The following DOCK7 variants were observed in gnomAD, a reference collection of about 807,000 sequenced individuals.
DOCK7 encodes dedicator of cytokinesis protein 7.
In DOCK7, 138 loss-of-function variants were observed where a neutral mutation model predicts 271.0. That is an observed-to-expected ratio of 0.51 (90% CI 0.44 to 0.59). The LOEUF (loss-of-function observed/expected upper bound fraction) is 0.59, where lower values mean the gene tolerates loss of function less well. Ranked by LOEUF, DOCK7 falls within the 20% of genes least tolerant of loss-of-function variation. The pLI is 0.00. For missense variants in DOCK7, 2,066 were observed against 2,592.4 expected, an observed-to-expected ratio of 0.80 and a Z score of 4.41; for synonymous variants, 823 against 876.1, an observed-to-expected ratio of 0.94 and a Z score of 1.07.
chr1:62,561,563 A>G, intron 19 of DOCK7, 54 bp downstream of exon 19: 1 of 1,142,076 alleles, frequency 8.8e-7, no homozygotes, highest in East Asian at 2.7e-5. Context: ...AGTATTAGAT[A>G]TTACGTTCAA....
At chr1:62,667,656 G>A (rs1050535737) in intron 1 of DOCK7, among the ~76,000 whole-genome samples, 1 of 152,124 alleles carries the variant, frequency 6.6e-6, no homozygotes, top group Non-Finnish European at 1.5e-5. Flanking sequence ...TGGAGAGGTT[G>A]CAGTGAGCCT....
chr1:62,641,513 TA>T, intron 7 of DOCK7: 2 of 453,776 alleles, frequency 4.4e-6, no homozygotes, highest in South Asian at 3.1e-5. Flanking sequence ...TTGGAAATGG[TA>T]GGGTCCTCAG....
chr1:62,672,780 T>C (rs1024127196), intron 1 of DOCK7, among the ~76,000 whole-genome samples: 6 of 152,150 alleles, frequency 3.9e-5, no homozygotes, highest in African/African-American at 1.4e-4. Flanking sequence ...CCCAAGTTTA[T>C]GAAAGGTAGA....
At chr1:62,661,282 T>C (rs543128545) in intron 2 of DOCK7, among the ~76,000 whole-genome samples, 4 of 151,260 alleles carry the variant, frequency 2.6e-5, no homozygotes, top group Non-Finnish European at 5.9e-5. Context: ...GGGGGGAAAA[T>C]GGGAAGTTAT....
intron 14 of DOCK7, among the ~76,000 whole-genome samples, chr1:62,603,726 T>C (rs1650501736): frequency 1.3e-5 from 2 of 151,880 alleles, no homozygotes; most frequent in African/African-American, 4.8e-5. Context: ...ACATGTCTTG[T>C]CATATGCATT....
At chr1:62,633,409 T>G in intron 10 of DOCK7, 89 bp downstream of exon 10, 1 of 957,918 alleles carries the variant, frequency 1.0e-6, no homozygotes, top group Non-Finnish European at 1.6e-6. Flanking sequence ...TATTAATTGC[T>G]ATTGCATATA....
chr1:62,513,223 C>T (rs559150885), intron 33 of DOCK7, among the ~76,000 whole-genome samples: 2 of 117,560 alleles, frequency 1.7e-5, no homozygotes, highest in African/African-American at 3.3e-5. Flanking sequence ...TTCTAGAGAA[C>T]GTTTTCTAGA....
At chr1:62,555,773 C>T (rs1265464362) in intron 21 of DOCK7, 52 bp downstream of exon 21, 1 of 1,565,072 alleles carries the variant, frequency 6.4e-7, no homozygotes, top group African/African-American at 1.4e-5. Flanking sequence ...TCAATACTGA[C>T]ATGAACATAT....
At chr1:62,640,904 C>G (rs372754300) in intron 7 of DOCK7, among the ~76,000 whole-genome samples, 12 of 152,326 alleles carry the variant, frequency 7.9e-5, no homozygotes, top group Non-Finnish European at 7.3e-5. Flanking sequence ...ACAAGTAGGT[C>G]ATAGACAAAT....
At chr1:62,563,565 T>C (rs1452591131) in intron 18 of DOCK7, among the ~76,000 whole-genome samples, 2 of 152,116 alleles carry the variant, frequency 1.3e-5, no homozygotes, top group African/African-American at 4.8e-5. Flanking sequence ...GAGATTTCTT[T>C]CCTATGGTTT....
chr1:62,538,949 G>A (rs778360354), intron 27 of DOCK7, among the ~76,000 whole-genome samples: 3 of 152,150 alleles, frequency 2.0e-5, no homozygotes, highest in Non-Finnish European at 4.4e-5. Flanking sequence ...TACTACCAAA[G>A]TGGCCCAGCA....
In DOCK7 at chr1:62,488,994, T is replaced by C. The variant is rs1461793962; in HGVS notation, c.5433A>G (p.Ala1811=). The C allele has an allele frequency of 3.1e-6, 5 of 1,613,538 alleles. No individual in the cohort carries two copies. Among genetic ancestry groups the C allele is most frequent in the Non-Finnish European group, 4.2e-6 (5 of 1,179,670 alleles). Residue 1811 remains alanine (A), a synonymous_variant, in exon 42 of 50, where the codon GCA becomes GCG. Coordinates refer to ENST00000635253, the MANE Select transcript of DOCK7 (RefSeq NM_001367561.1). ...TACCATGAATTGTGGATAGTTTCTT[T>C]GCATCCCGATTAGCTTCATGAATAG... ...LIPIHEANRD[A]KKLSTIHGKL... is the part of the protein sequence containing the mutation.
intron 9 of DOCK7, chr1:62,633,967 T>C (rs1654935217): frequency 6.4e-6 from 1 of 156,432 alleles, no homozygotes; most frequent in African/African-American, 2.4e-5. Flanking sequence ...AGCATCTGAA[T>C]TGGAAAGGAA....
chr1:62,489,381 G>T (rs186926212), intron 41 of DOCK7, among the ~76,000 whole-genome samples: 1 of 152,074 alleles, frequency 6.6e-6, no homozygotes, highest in Non-Finnish European at 1.5e-5. Flanking sequence ...CATGGGAGGC[G>T]GAGTGTGCAG....
chr1:62,523,470 T>G (rs1644910867), intron 31 of DOCK7, among the ~76,000 whole-genome samples: 1 of 152,024 alleles, frequency 6.6e-6, no homozygotes. Flanking sequence ...AACAAAAAAT[T>G]TCGAATGTAA....
At chr1:62,653,209 A>G (rs1004489542) in intron 4 of DOCK7, among the ~76,000 whole-genome samples, 2 of 152,226 alleles carry the variant, frequency 1.3e-5, no homozygotes, top group Non-Finnish European at 2.9e-5. Flanking sequence ...GCTATTGCAC[A>G]GTTTATTAGG....
rs1442972914 is a variant in DOCK7 at position 62,476,846 on chromosome 1, C to CT, written c.5635-691dup. 2.0e-5 allele frequency among the ~76,000 whole-genome samples: 3 copies of CT among 152,328 alleles called. No homozygotes were observed. In the East Asian group the frequency reaches 5.8e-4, roughly 29 times the overall value. ...AAGTCTCAATTAATATTTCCCAAGA[C>CT]TTACACCTAACCTCTTGAAAAATAA... On this transcript the variant is annotated intron_variant, in intron 44 of 49. Coordinates refer to ENST00000635253, the MANE Select transcript of DOCK7 (RefSeq NM_001367561.1).
chr1:62,681,542 A>T (rs11582276), intron 1 of DOCK7, among the ~76,000 whole-genome samples: 5 of 18,412 alleles, frequency 2.7e-4, no homozygotes, highest in South Asian at 6.7e-3. Context: ...AATAAAAAAT[A>T]AAAAAAATAA....
In DOCK7 at chr1:62,489,042, A is replaced by G. The variant is rs1314677124; in HGVS notation, c.5385T>C (p.Asn1795=). 1.3e-6 allele frequency: 2 copies of G among 1,599,536 alleles called. No individual in the cohort carries two copies. Among genetic ancestry groups the G allele is most frequent in the Non-Finnish European group, 1.7e-6 (2 of 1,170,698 alleles). The stretch of plus-strand genomic sequence containing the variant: ...TAGGAATAAGTACTTTGTAAACTTC[A>G]TTAACTGCTTCATACATGCCAGCCT... ...FSMAGMYEAV[N]EVYKVLIPIH... The change falls in exon 42 of 50, where the codon AAT becomes AAC. Residue 1795 remains asparagine (N), a synonymous_variant. Coordinates refer to ENST00000635253, the MANE Select transcript of DOCK7 (RefSeq NM_001367561.1).
Sources: gnomAD v4.1 joint callset for allele counts (sites outside exome capture counted in the v4.1 genomes callset) on GRCh38, gnomAD v4.1.1 for gene constraint, MANE v1.5 for transcripts, NCBI Gene and HGNC (gene_info 2026-07-23, HGNC 2026-07-21) for gene names.